The following NPM1 variants were observed in gnomAD, a reference collection of about 807,000 sequenced individuals.
NPM1 encodes nucleophosmin.
NPM1 carries 1 observed loss-of-function variant against 44.1 expected under a neutral mutation model. The ratio of observed to expected loss-of-function variants is 0.02; its 90% CI spans 0.01 to 0.11. The LOEUF is 0.11. Among genes scored for constraint, NPM1 ranks in the 10% least tolerant of loss-of-function variants. The pLI is 1.00. For synonymous variants in NPM1, 126 were observed against 111.8 expected (o/e 1.13, Z -0.80); for missense variants, 197 against 347.8 (o/e 0.57, Z 3.45).
rs914149932 is a variant in NPM1, at chr5:171,406,309, G to C, written c.771+906G>C. Reference sequence around the variant, plus strand: ...GCCTTCCTGGTTATCACTGATTTTTGTCCCTTGGATACAATGCTAAAATGA... The same window carrying C: ...GCCTTCCTGGTTATCACTGATTTTTCTCCCTTGGATACAATGCTAAAATGA... On this transcript the variant is annotated intron_variant, in intron 9 of 10. Transcript: ENST00000296930. The C allele has an allele frequency of 3.7e-5, 43 of 1,153,302 alleles. No homozygotes were observed. In the Admixed American group the frequency reaches 7.1e-4, roughly 19 times the overall value. The allele number at this position is 1,153,302 out of a possible 1,614,324, so 71.4% of individuals were successfully genotyped here. A position where few individuals can be genotyped will look rare whatever the true frequency, so the allele number is the denominator to read the frequency against.
intron 6 of NPM1, among the ~76,000 whole-genome samples, chr5:171,394,110 CG>C (rs1316316564): frequency 2.1e-5 from 3 of 141,780 alleles, no homozygotes; most frequent in Non-Finnish European, 4.5e-5. Flanking sequence ...GGCGCCATCT[CG>C]GCTCACCACA....
chr5:171,392,751 G>A lies in NPM1; in HGVS notation c.394G>A (p.Asp132Asn), dbSNP rs1360689654. 2.5e-6 allele frequency: 4 copies of A among 1,613,606 alleles called. No individual in the cohort carries two copies. The Admixed American group carries it at 5.0e-5, about 20-fold the overall frequency. ...DAESEDEEEE[D>N]VKLLSISGKR... ...AGAGTCAGAAGATGAAGAGGAGGAG[G>A]ATGTGAAACTCTTAAGTATATCTGG... is the stretch of plus-strand genomic sequence containing the variant. The change falls in exon 5 of 11, where the codon GAT becomes AAT. Residue 132 changes from aspartate (D) to asparagine (N), a missense_variant. Asp to Asn is a conservative substitution (Grantham distance 23). Coordinates refer to ENST00000296930, the MANE Select transcript of NPM1 (RefSeq NM_002520.7).
upstream of NPM1, chr5:171,387,505 T>A: frequency 5.0e-6 from 1 of 200,906 alleles, no homozygotes; most frequent in Non-Finnish European, 1.0e-5. Context: ...TTTTGCAGGG[T>A]GGGCTGCGCA....
At chr5:171,405,200 A>C in intron 8 of NPM1, 102 bp from the exon 9 acceptor site, 1 of 646,808 alleles carries the variant, frequency 1.5e-6, no homozygotes, top group Non-Finnish European at 2.8e-6. Flanking sequence ...TAGCTTTATA[A>C]GGGAGTTTTG....
intron 1 of NPM1, among the ~76,000 whole-genome samples, chr5:171,389,379 A>T (rs1046483963): frequency 1.3e-5 from 2 of 152,242 alleles, no homozygotes; most frequent in Non-Finnish European, 2.9e-5. Flanking sequence ...TTGCCCATTC[A>T]TGGAGTGAGA....
At chr5:171,407,145 A>T (rs945108313) in intron 9 of NPM1, 1 of 152,970 alleles carries the variant, frequency 6.5e-6, no homozygotes, top group African/African-American at 2.4e-5. Flanking sequence ...GCCTGTATCC[A>T]TAATTTGAAG....
intron 5 of NPM1, 43 bp downstream of exon 5, chr5:171,392,859 T>C: frequency 2.5e-6 from 4 of 1,613,200 alleles, no homozygotes; most frequent in Non-Finnish European, 3.4e-6. Flanking sequence ...TTATAGCTTT[T>C]AGTTTGGTGA....
chr5:171,407,589 A>G (rs1034027205), intron 9 of NPM1, 111 bp from the exon 10 acceptor site: 2 of 709,644 alleles, frequency 2.8e-6, no homozygotes, highest in Non-Finnish European at 4.9e-6. Flanking sequence ...TTGAAGGGAA[A>G]AAGAATAAAC....
chr5:171,391,886 T>C, intron 4 of NPM1, 87 bp downstream of exon 4: 3 of 737,320 alleles, frequency 4.1e-6, no homozygotes, highest in South Asian at 1.6e-5. Context: ...AGCATGGGTA[T>C]AGTACTACTG....
Position 171,391,418 on chromosome 5 carries a change from G to A in NPM1, c.252G>A (p.Gln84=), listed in dbSNP as rs2113169758. The change falls in exon 3 of 11, where the codon CAG becomes CAA. Residue 84 remains glutamine, a synonymous_variant. Coordinates refer to ENST00000296930, the MANE Select transcript of NPM1 (RefSeq NM_002520.7). Reference sequence around the variant, plus strand: ...TGGCAACTTTGAAAATGTCTGTACAGCCAACGGTAAGGGCACTTACATACT... The same window carrying A: ...TGGCAACTTTGAAAATGTCTGTACAACCAACGGTAAGGGCACTTACATACT... ...VTLATLKMSV[Q]PTVSLGGFEI... 1.2e-6 allele frequency: 2 copies of A among 1,607,114 alleles called. No homozygotes were observed. The highest frequency in any genetic ancestry group is 2.2e-5 in the South Asian group (2 of 91,030).
At chr5:171,392,218 C>T (rs1770612319) in intron 4 of NPM1, among the ~76,000 whole-genome samples, 1 of 152,182 alleles carries the variant, frequency 6.6e-6, no homozygotes, top group African/African-American at 2.4e-5. Context: ...TAGTATTACA[C>T]GTGTCAGCCA....
intron 8 of NPM1, among the ~76,000 whole-genome samples, chr5:171,403,680 C>CG (rs1771379663): frequency 7.1e-6 from 1 of 140,104 alleles, no homozygotes; most frequent in Non-Finnish European, 1.6e-5. Context: ...GCTGGCCAGG[C>CG]GGGGGGCTGA....
intron 9 of NPM1, chr5:171,406,397 G>A (rs892154599): frequency 6.2e-7 from 1 of 1,612,550 alleles, no homozygotes; most frequent in South Asian, 1.1e-5. Flanking sequence ...TTAATTGCAG[G>A]CGCATTGAAC....
intron 6 of NPM1, among the ~76,000 whole-genome samples, chr5:171,393,657 GT>G (rs1410258705): frequency 4.6e-5 from 7 of 152,226 alleles, no homozygotes; most frequent in Non-Finnish European, 1.0e-4. Flanking sequence ...TTGTCCTTCA[GT>G]TCTGAGGTTG....
chr5:171,388,145 G>C (rs887937267), intron 1 of NPM1, 139 bp downstream of exon 1: 19 of 782,670 alleles, frequency 2.4e-5, no homozygotes, highest in Non-Finnish European at 4.0e-5. Flanking sequence ...GGTGGGAAGA[G>C]CTGCCTGAGC....
intron 6 of NPM1, among the ~76,000 whole-genome samples, chr5:171,397,626 T>C (rs568676699): frequency 1.3e-5 from 2 of 151,964 alleles, no homozygotes; most frequent in Non-Finnish European, 1.5e-5. Context: ...CTTTACTAAG[T>C]TGTAAGAATT....
upstream of NPM1, chr5:171,387,510 TGCGC>T: frequency 2.4e-5 from 5 of 209,822 alleles, no homozygotes; most frequent in South Asian, 1.5e-4. Flanking sequence ...CAGGGTGGGC[TGCGC>T]AGACTCTTGG....
At chr5:171,405,490 T>C (rs890782695) in intron 9 of NPM1, 87 bp downstream of exon 9, 4 of 699,014 alleles carry the variant, frequency 5.7e-6, no homozygotes, top group African/African-American at 1.8e-5. Context: ...TTCTTGTTTT[T>C]TTGTTTGTTT....
chr5:171,406,318 A>T (rs1262662101), intron 9 of NPM1: 1 of 1,289,108 alleles, frequency 7.8e-7, no homozygotes, highest in Non-Finnish European at 1.1e-6. Context: ...TGTCCCTTGG[A>T]TACAATGCTA....
Sources: gnomAD v4.1 joint callset for allele counts (sites outside exome capture counted in the v4.1 genomes callset) on GRCh38, gnomAD v4.1.1 for gene constraint, MANE v1.5 for transcripts, NCBI Gene and HGNC (gene_info 2026-07-23, HGNC 2026-07-21) for gene names.